Variants in KLF12 observed in about 807,000 individuals in gnomAD.
KLF12 encodes Krueppel-like factor 12.
KLF12 carries 9 observed loss-of-function variants against 37.8 expected under a neutral mutation model. The ratio of observed to expected loss-of-function variants is 0.24; its 90% CI spans 0.14 to 0.42. The LOEUF (loss-of-function observed/expected upper bound fraction) is 0.42, where lower values mean the gene tolerates loss of function less well. KLF12 is among the 10% of genes least tolerant of loss of function. The probability of loss-of-function intolerance (pLI) is 1.00; values close to 1 mark genes in which losing one functional copy is unlikely to be tolerated. For synonymous variants in KLF12, 208 were observed against 202.1 expected (o/e 1.03, Z -0.25); for missense variants, 411 against 516.0 (o/e 0.80, Z 1.97).
intron 3 of KLF12, among the ~76,000 whole-genome samples, chr13:73,899,534 C>G (rs931449913): frequency 1.3e-5 from 2 of 152,192 alleles, no homozygotes; most frequent in Non-Finnish European, 2.9e-5. Context: ...AATATGCAGA[C>G]AGCTGGTAAA....
At chr13:74,005,470 G>A (rs1007734403) in intron 1 of KLF12, among the ~76,000 whole-genome samples, 1 of 152,220 alleles carries the variant, frequency 6.6e-6, no homozygotes, top group Admixed American at 6.5e-5. Context: ...GCAGCGGTAT[G>A]CTGCACTTTG....
intron 1 of KLF12, among the ~76,000 whole-genome samples, chr13:74,108,860 T>C (rs753392229): frequency 1.3e-5 from 2 of 152,148 alleles, no homozygotes; most frequent in Non-Finnish European, 2.9e-5. Context: ...AGAATTTGTC[T>C]TGTCCCAAGG....
At chr13:73,814,432 A>G (rs1883108969) in intron 4 of KLF12, among the ~76,000 whole-genome samples, 1 of 152,194 alleles carries the variant, frequency 6.6e-6, no homozygotes, top group Non-Finnish European at 1.5e-5. Context: ...GCAACTTCGG[A>G]TGATTGTGTC....
At chr13:73,792,759 T>C (rs1355404523) in intron 5 of KLF12, among the ~76,000 whole-genome samples, 4 of 152,064 alleles carry the variant, frequency 2.6e-5, no homozygotes, top group African/African-American at 9.7e-5. Context: ...CCTAGAAGCA[T>C]GAAAAAAGTA....
intron 3 of KLF12, among the ~76,000 whole-genome samples, chr13:73,917,827 G>T (rs1397061468): frequency 6.6e-6 from 1 of 152,020 alleles, no homozygotes; most frequent in Non-Finnish European, 1.5e-5. Flanking sequence ...CCAATGTCTT[G>T]TACATAATAG....
intron 3 of KLF12, among the ~76,000 whole-genome samples, chr13:73,925,259 C>T (rs1889320145): frequency 6.6e-6 from 1 of 152,174 alleles, no homozygotes; most frequent in Non-Finnish European, 1.5e-5. Context: ...CAATGCCTGG[C>T]TTCAAAGCAC....
At position 73,845,897 on chromosome 13, in the gene KLF12, T is replaced by C. The variant is rs1566411934; in HGVS notation, c.600A>G (p.Val200=). 1 of 1,614,128 alleles carries C rather than the reference T, an allele frequency of 6.2e-7. No individual in the cohort carries two copies. The highest frequency in any genetic ancestry group is 8.5e-7 in the Non-Finnish European group (1 of 1,180,000). The stretch of plus-strand genomic sequence containing the variant: ...TGTTGTTCACATTTCCAGGTGACCT[T>C]ACAGCTGTGTAGACAACAGGCACCG... Residue 200 remains valine (V), a synonymous_variant, in exon 4 of 8, where the codon GTA becomes GTG. Coordinates refer to ENST00000377669, the MANE Select transcript of KLF12 (RefSeq NM_007249.5).
chr13:74,166,731 T>A, the KLF12 span, among the ~76,000 whole-genome samples: 1 of 152,186 alleles, frequency 6.6e-6, no homozygotes, highest in Admixed American at 6.5e-5. Context: ...AACCTCTACT[T>A]GTTCTAATAT....
intron 2 of KLF12, among the ~76,000 whole-genome samples, chr13:73,970,849 T>G (rs947399907): frequency 1.3e-5 from 2 of 152,236 alleles, no homozygotes; most frequent in African/African-American, 4.8e-5. Context: ...GAAAGCATTT[T>G]TCAGTGCAGA....
intron 3 of KLF12, among the ~76,000 whole-genome samples, chr13:73,899,388 C>T (rs1887935257): frequency 6.6e-6 from 1 of 152,162 alleles, no homozygotes; most frequent in African/African-American, 2.4e-5. Context: ...AATAATCTCT[C>T]AACCCCAAAA....
intron 1 of KLF12, among the ~76,000 whole-genome samples, chr13:74,085,622 A>G (rs1593887269): frequency 6.6e-6 from 1 of 152,238 alleles, no homozygotes. Context: ...CAGGGACTCA[A>G]CCAGACATTT....
chr13:73,974,424 G>T (rs540807146), intron 2 of KLF12, among the ~76,000 whole-genome samples: 23 of 152,170 alleles, frequency 1.5e-4, no homozygotes, highest in African/African-American at 4.3e-4. Flanking sequence ...AATGCCAGAA[G>T]ACAAAGGAGC....
chr13:73,986,324 C>A (rs1326208517), intron 2 of KLF12, among the ~76,000 whole-genome samples: 1 of 152,126 alleles, frequency 6.6e-6, no homozygotes, highest in African/African-American at 2.4e-5. Flanking sequence ...CATTTAGCTG[C>A]AAAAGTGATT....
intron 1 of KLF12, among the ~76,000 whole-genome samples, chr13:74,018,229 G>T (rs900349718): frequency 6.6e-6 from 1 of 152,098 alleles, no homozygotes; most frequent in Non-Finnish European, 1.5e-5. Flanking sequence ...AATACTGCAT[G>T]ATCTCACTCA....
the KLF12 span, among the ~76,000 whole-genome samples, chr13:74,267,518 G>A: frequency 3.3e-5 from 5 of 152,148 alleles, no homozygotes; most frequent in African/African-American, 1.2e-4. Flanking sequence ...CTCATACGTG[G>A]GAGCTTTAAA....
chr13:74,140,782 G>A, the KLF12 span, among the ~76,000 whole-genome samples: 58 of 152,182 alleles, frequency 3.8e-4, no homozygotes, highest in Admixed American at 2.7e-3. Context: ...AGCAGGGTGC[G>A]GTGGCTCATG....
At chr13:73,959,369 A>C (rs969027116) in intron 2 of KLF12, among the ~76,000 whole-genome samples, 3 of 152,094 alleles carry the variant, frequency 2.0e-5, no homozygotes, top group African/African-American at 7.2e-5. Context: ...ATTTTGGGAC[A>C]GAGGGAAATT....
chr13:74,110,412 A>G (rs1354638654), intron 1 of KLF12, among the ~76,000 whole-genome samples: 1 of 152,234 alleles, frequency 6.6e-6, no homozygotes, highest in East Asian at 1.9e-4. Context: ...ATAGATTGTA[A>G]TAACAAATAG....
intron 1 of KLF12, among the ~76,000 whole-genome samples, chr13:74,022,795 C>T (rs915487011): frequency 6.6e-6 from 1 of 151,692 alleles, no homozygotes; most frequent in Non-Finnish European, 1.5e-5. Flanking sequence ...TCTGGGAAGG[C>T]CTTGAATTAT....
Sources: allele counts gnomAD v4.1 joint callset (sites outside exome capture counted in the v4.1 genomes callset), GRCh38; gene constraint gnomAD v4.1.1; transcripts MANE v1.5; gene names NCBI Gene and HGNC (gene_info 2026-07-23, HGNC 2026-07-21).